The following CTNNA2 variants were observed in gnomAD, a reference collection of about 807,000 sequenced individuals.
The protein encoded by CTNNA2 is catenin alpha-2.
In CTNNA2, 42 loss-of-function variants were observed where a neutral mutation model predicts 101.0. The observed-to-expected ratio is 0.42, with a 90% CI of 0.32 to 0.54. CTNNA2 has a LOEUF of 0.54. Ranked by LOEUF, CTNNA2 falls within the 20% of genes least tolerant of loss-of-function variation. The pLI is 0.14. For missense variants in CTNNA2, 871 were observed against 1,223.1 expected, an observed-to-expected ratio of 0.71 and a Z score of 4.29; for synonymous variants, 450 against 456.4, an observed-to-expected ratio of 0.99 and a Z score of 0.18.
intron 3 of CTNNA2, among the ~76,000 whole-genome samples, chr2:79,820,243 G>A (rs796731778): frequency 1.3e-5 from 2 of 152,094 alleles, no homozygotes; most frequent in Non-Finnish European, 2.9e-5. Context: ...TGTATTAATT[G>A]CCCTTGTTAG....
chr2:79,335,298 T>C (rs762619450), intron 3 of CTNNA2, among the ~76,000 whole-genome samples: 23 of 152,186 alleles, frequency 1.5e-4, no homozygotes, highest in Non-Finnish European at 2.9e-4. Context: ...AAGAACCATG[T>C]AAATCATTTC....
At chr2:79,291,930 G>A (rs1215361384) in intron 2 of CTNNA2, among the ~76,000 whole-genome samples, 1 of 152,118 alleles carries the variant, frequency 6.6e-6, no homozygotes, top group Non-Finnish European at 1.5e-5. Flanking sequence ...GAGAGACAGA[G>A]TTATTAGTAA....
chr2:79,385,757 C>T (rs6733968), intron 4 of CTNNA2, among the ~76,000 whole-genome samples: 1,747 of 152,032 alleles, frequency 0.011, 40 homozygotes, highest in African/African-American at 0.04. Flanking sequence ...CTGTTCGACT[C>T]CCACCTATGA....
chr2:80,461,317 T>C (rs1684403712), intron 9 of CTNNA2, among the ~76,000 whole-genome samples: 1 of 152,130 alleles, frequency 6.6e-6, no homozygotes, highest in Non-Finnish European at 1.5e-5. Flanking sequence ...AGAATCCTGT[T>C]ATGTTGGAGT....
chr2:80,427,546 G>A (rs963703316), intron 9 of CTNNA2, among the ~76,000 whole-genome samples: 2 of 152,192 alleles, frequency 1.3e-5, no homozygotes, highest in African/African-American at 4.8e-5. Flanking sequence ...CAGCACTGAA[G>A]CCATAGCAAT....
chr2:79,469,754 T>C (rs541331085), intron 4 of CTNNA2, among the ~76,000 whole-genome samples: 1 of 152,268 alleles, frequency 6.6e-6, no homozygotes, highest in South Asian at 2.1e-4. Flanking sequence ...TAATCCGGCA[T>C]ATAAACAGAA....
At chr2:79,193,322 A>G (rs956843198) in intron 1 of CTNNA2, among the ~76,000 whole-genome samples, 1 of 152,172 alleles carries the variant, frequency 6.6e-6, no homozygotes, top group African/African-American at 2.4e-5. Context: ...CTGTGGTCCC[A>G]TGAGATTATA....
chr2:79,711,626 C>A (rs1685745772), intron 2 of CTNNA2, among the ~76,000 whole-genome samples: 1 of 152,046 alleles, frequency 6.6e-6, no homozygotes, highest in Non-Finnish European at 1.5e-5. Flanking sequence ...AGGTAGAAAG[C>A]AGAAAAGACC....
intron 7 of CTNNA2, among the ~76,000 whole-genome samples, chr2:80,304,907 C>CAAAAAAA (rs56174873): frequency 1.4e-5 from 1 of 73,842 alleles, no homozygotes; most frequent in African/African-American, 4.8e-5. Flanking sequence ...GTCCATATTT[C>CAAAAAAA]AAAAAAAAAA....
chr2:79,245,129 C>A (rs1022829018), intron 2 of CTNNA2, among the ~76,000 whole-genome samples: 1 of 151,450 alleles, frequency 6.6e-6, no homozygotes, highest in Non-Finnish European at 1.5e-5. Flanking sequence ...AATCAGTGTG[C>A]AAATTACATA....
chr2:79,894,013 T>A (rs1282806186), intron 6 of CTNNA2, among the ~76,000 whole-genome samples: 2 of 122,028 alleles, frequency 1.6e-5, no homozygotes, highest in African/African-American at 5.7e-5. Context: ...TTCTTCTTCT[T>A]CTTCTTCTTC....
intron 1 of CTNNA2, among the ~76,000 whole-genome samples, chr2:79,192,247 G>A (rs1357873555): frequency 1.3e-5 from 2 of 152,134 alleles, no homozygotes; most frequent in Non-Finnish European, 2.9e-5. Flanking sequence ...AAAGGGGTTT[G>A]TTCACTTGGT....
At chr2:79,978,074 T>G (rs1690995431) in intron 7 of CTNNA2, among the ~76,000 whole-genome samples, 1 of 152,190 alleles carries the variant, frequency 6.6e-6, no homozygotes, top group Non-Finnish European at 1.5e-5. Flanking sequence ...GAACAGGCCT[T>G]CACTGAAGTT....
chr2:80,321,660 A>G (rs1328396953), intron 7 of CTNNA2, among the ~76,000 whole-genome samples: 1 of 152,222 alleles, frequency 6.6e-6, no homozygotes, highest in African/African-American at 2.4e-5. Flanking sequence ...CTTTTCTGAT[A>G]TATCAAAAAA....
chr2:80,190,899 ATTATT>A (rs1346088069), intron 7 of CTNNA2, among the ~76,000 whole-genome samples: 11 of 152,204 alleles, frequency 7.2e-5, no homozygotes, highest in Non-Finnish European at 8.8e-5. Context: ...GTTGCTGTTG[ATTATT>A]CTTTATCCTA....
intron 2 of CTNNA2, among the ~76,000 whole-genome samples, chr2:79,701,984 C>T (rs1299306515): frequency 8.6e-5 from 10 of 116,928 alleles, no homozygotes; most frequent in Admixed American, 2.4e-4. Context: ...CCTGGGAGAG[C>T]GAGACTCTGT....
In CTNNA2 at chr2:80,410,638, G is replaced by A. The variant is rs188044054; in HGVS notation, c.1138-8811G>A. ...ACTATGCCTTTCAGCTTGTAGGCAAGGGCATTTAAACCATTCTAGTAGTCA... is the reference window on the plus strand; with the variant it reads ...ACTATGCCTTTCAGCTTGTAGGCAAAGGCATTTAAACCATTCTAGTAGTCA... On this transcript the variant is annotated intron_variant, in intron 8 of 18. Transcript: ENST00000402739. 2.6e-5 allele frequency among the ~76,000 whole-genome samples: 4 copies of A among 152,272 alleles called. No homozygotes were observed. In the East Asian group the frequency reaches 7.7e-4, roughly 29 times the overall value.
intron 4 of CTNNA2, among the ~76,000 whole-genome samples, chr2:79,500,045 C>A (rs978807254): frequency 1.3e-5 from 2 of 152,154 alleles, no homozygotes; most frequent in Admixed American, 6.5e-5. Flanking sequence ...ATTATGGAGG[C>A]CATTCTTGTT....
At chr2:79,820,264 A>G (rs901270486) in intron 3 of CTNNA2, among the ~76,000 whole-genome samples, 3 of 152,136 alleles carry the variant, frequency 2.0e-5, no homozygotes, top group Non-Finnish European at 4.4e-5. Flanking sequence ...TGCATCTTCT[A>G]TTAATTCTCT....
Sources: allele counts gnomAD v4.1 joint callset (sites outside exome capture counted in the v4.1 genomes callset), GRCh38; gene constraint gnomAD v4.1.1; transcripts MANE v1.5; gene names NCBI Gene and HGNC (gene_info 2026-07-23, HGNC 2026-07-21).